The following NELFB variants were observed in gnomAD, a reference collection of about 807,000 sequenced individuals.
The protein encoded by NELFB is negative elongation factor complex member B.
A neutral mutation model predicts 60.2 loss-of-function variants in NELFB; 34 were observed. The ratio of observed to expected loss-of-function variants is 0.56; its 90% CI spans 0.43 to 0.75. The LOEUF is 0.75. Ranked by LOEUF, NELFB falls within the 30% of genes least tolerant of loss-of-function variation. NELFB has a pLI of 0.00. For missense variants in NELFB, 770 were observed against 831.6 expected (o/e 0.93, Z 0.91); for synonymous variants, 459 against 382.1 (o/e 1.20, Z -2.35).
intron 10 of NELFB, among the ~76,000 whole-genome samples, chr9:137,271,115 C>T (rs545732737): frequency 2.6e-5 from 4 of 152,356 alleles, no homozygotes; most frequent in Admixed American, 6.5e-5. Context: ...TTGGGTTCCC[C>T]GGAGTTGCAG....
Position 137,266,940 on chromosome 9 carries a change from G to GT in NELFB, c.1240-3dup. 6.2e-7 allele frequency: 1 copy of GT among 1,612,900 alleles called. No individual in the cohort carries two copies. Among genetic ancestry groups the GT allele is most frequent in the East Asian group, 2.2e-5 (1 of 44,882 alleles). ...CGCCCGCTCATGGCCTCCCCTCCTC[G>GT]TAGGAGGTAGAGCTCATCACCAGGT... is the stretch of plus-strand genomic sequence containing the variant. On this transcript the variant is annotated splice_region_variant and splice_polypyrimidine_tract_variant and intron_variant, in intron 8 of 12. Transcript: ENST00000343053.
Position 137,257,172 on chromosome 9 carries a change from C to T in NELFB, c.741+118C>T, listed in dbSNP as rs149573045. On this transcript the variant is annotated intron_variant, in intron 4 of 12. Transcript: ENST00000343053. ...TGTGAATGATCGGGTGGTTCTGCTT[C>T]TTGGCTGGGTGGTGGGGGAGGGCTG... is the stretch of plus-strand genomic sequence containing the variant. 787 of 872,518 alleles carry T rather than the reference C, an allele frequency of 9.0e-4. 16 individuals carry two copies. In the East Asian group the frequency reaches 0.02, roughly 22 times the overall value. 54.0% of individuals were successfully genotyped at this position (872,518 alleles called of 1,614,324 possible).
chr9:137,267,456 A>C, intron 10 of NELFB, 110 bp downstream of exon 10: 2 of 782,336 alleles, frequency 2.6e-6, no homozygotes, highest in Non-Finnish European at 4.0e-6. Flanking sequence ...TTGTCTCCCC[A>C]GCCCACCTCC....
rs776164150 is a variant in NELFB at position 137,255,908 on chromosome 9, CAG to C, written c.252_253del (p.Asn85TrpfsTer31). 3 of 1,613,794 alleles carry C rather than the reference CAG, an allele frequency of 1.9e-6. No individual in the cohort carries two copies. The highest frequency in any genetic ancestry group is 2.5e-6 in the Non-Finnish European group (3 of 1,179,860). ...TGAGGTTTCTCTTGGCTTCCTCAGA[CAG>C]AGAATGGTGTGCTGCTGCCATCTCT... On this transcript the variant is annotated frameshift_variant and splice_region_variant, in exon 2 of 13. Coordinates refer to ENST00000343053, the MANE Select transcript of NELFB (RefSeq NM_015456.5). LOFTEE classifies it high-confidence loss of function.
At position 137,272,817 on chromosome 9, in the gene NELFB, C is replaced by T. The variant is rs535606538; in HGVS notation, c.1776C>T (p.Leu592=). The change falls in exon 13 of 13, where the codon CTC becomes CTT. Residue 592 remains leucine (L), a synonymous_variant. Transcript: ENST00000343053. Reference sequence around the variant, plus strand: ...CAGTGAAGGAGCTTTACTCCCAGCTCGGCGAGAAGCTGGAACAGCTGGATC... The same window carrying T: ...CAGTGAAGGAGCTTTACTCCCAGCTTGGCGAGAAGCTGGAACAGCTGGATC... The T allele has an allele frequency of 1.7e-5, 26 of 1,549,914 alleles. 1 individual carries two copies. The highest frequency in any genetic ancestry group is 1.5e-4 in the East Asian group (6 of 40,906).
intron 10 of NELFB, among the ~76,000 whole-genome samples, chr9:137,271,184 G>A (rs1830579544): frequency 6.6e-6 from 1 of 152,278 alleles, no homozygotes; most frequent in East Asian, 1.9e-4. Context: ...GGGACTGTGT[G>A]CCTGCCACGT....
intron 6 of NELFB, 100 bp from the exon 7 acceptor site, chr9:137,265,777 G>A: frequency 1.3e-6 from 1 of 781,990 alleles, no homozygotes; most frequent in Non-Finnish European, 2.3e-6. Flanking sequence ...GGCACCCGCT[G>A]CCAGTCCTGA....
intron 1 of NELFB, 40 bp from the exon 2 acceptor site, chr9:137,255,867 C>A: frequency 1.9e-6 from 3 of 1,602,670 alleles, no homozygotes; most frequent in Non-Finnish European, 2.6e-6. Flanking sequence ...GGTGCCCGGG[C>A]GCACTGGGCT....
chr9:137,265,949 G>A lies in NELFB; in HGVS notation c.1113G>A (p.Gln371=). 6.2e-7 allele frequency: 1 copy of A among 1,613,026 alleles called. No homozygotes were observed. Among genetic ancestry groups the A allele is most frequent in the Non-Finnish European group, 8.5e-7 (1 of 1,179,894 alleles). Residue 371 remains glutamine (Q), a synonymous_variant, in exon 7 of 13, where the codon CAG becomes CAA. Coordinates refer to ENST00000343053, the MANE Select transcript of NELFB (RefSeq NM_015456.5). ...CACTGAGCACAGTCAGGCACCTGCA[G>A]GAGCTGGTCGGCCAGGAGACACTGC...
intron 10 of NELFB, among the ~76,000 whole-genome samples, chr9:137,267,743 C>T (rs947550420): frequency 7.2e-5 from 11 of 152,140 alleles, no homozygotes; most frequent in Non-Finnish European, 1.5e-4. Flanking sequence ...CCGCCCGCCT[C>T]GGCCTCCCAA....
At chr9:137,257,117 A>G (rs1837567029) in intron 4 of NELFB, 63 bp downstream of exon 4, 1 of 1,423,654 alleles carries the variant, frequency 7.0e-7, no homozygotes, top group Admixed American at 1.8e-5. Context: ...TAGCGCCTTC[A>G]GCTGCCTGGG....
intron 11 of NELFB, 49 bp from the exon 12 acceptor site, chr9:137,272,458 C>A (rs1402710877): frequency 1.9e-6 from 3 of 1,558,698 alleles, no homozygotes; most frequent in Non-Finnish European, 2.6e-6. Context: ...TGGGCCTGGG[C>A]AGACAGCAGG....
intron 10 of NELFB, among the ~76,000 whole-genome samples, chr9:137,271,149 G>C (rs1490298631): frequency 3.9e-5 from 6 of 152,268 alleles, no homozygotes; most frequent in African/African-American, 1.4e-4. Context: ...TGCCCAGTGG[G>C]GCCTTGCTGC....
rs1830513346 is a variant in NELFB at position 137,265,953 on chromosome 9, C to T, written c.1117C>T (p.Leu373=). 4 of 1,612,910 alleles carry T rather than the reference C, an allele frequency of 2.5e-6. No individual in the cohort carries two copies. Among genetic ancestry groups the T allele is most frequent in the Non-Finnish European group, 3.4e-6 (4 of 1,179,796 alleles). The change falls in exon 7 of 13, where the codon CTG becomes TTG. Residue 373 remains leucine, a synonymous_variant. Transcript: ENST00000343053. ...GAGCACAGTCAGGCACCTGCAGGAGCTGGTCGGCCAGGAGACACTGCCCAG... is the reference window on the plus strand; with the variant it reads ...GAGCACAGTCAGGCACCTGCAGGAGTTGGTCGGCCAGGAGACACTGCCCAG...
Position 137,265,031 on chromosome 9 carries a change from CTTTTT to C in NELFB, c.1040+693_1040+697del, listed in dbSNP as rs60479210. Among the ~76,000 whole-genome samples, 25 of 126,172 alleles carry C rather than the reference CTTTTT, an allele frequency of 2.0e-4. No homozygotes were observed. In the South Asian group the frequency reaches 3.4e-3, roughly 17 times the overall value. 82.8% of individuals were successfully genotyped at this position (126,172 alleles called of 152,430 possible). On this transcript the variant is annotated intron_variant, in intron 6 of 12. Coordinates refer to ENST00000343053, the MANE Select transcript of NELFB (RefSeq NM_015456.5). The stretch of plus-strand genomic sequence containing the variant: ...CCTGCCTTTGCCACTTTTTTTCTTC[CTTTTT>C]TTTTTTTTTTTTTTTTTTCTGAGAC...
At chr9:137,262,465 T>C (rs1411319553) in intron 4 of NELFB, among the ~76,000 whole-genome samples, 1 of 152,224 alleles carries the variant, frequency 6.6e-6, no homozygotes, top group Admixed American at 6.5e-5. Flanking sequence ...CCTCAGCTCC[T>C]ATCTCTGTAT....
chr9:137,256,992 A>G lies in NELFB; in HGVS notation c.679A>G (p.Thr227Ala), dbSNP rs1837563861. ...GGAGAAGGAGAGCGCTCTCTTCAGT[A>G]CAGAGCTCTCTGTCCTGCACAACTT... The change falls in exon 4 of 13, where the codon ACA (threonine) becomes GCA (alanine). Residue 227 changes from threonine to alanine, a missense_variant. Coordinates refer to ENST00000343053, the MANE Select transcript of NELFB (RefSeq NM_015456.5). 2 of 1,614,044 alleles carry G rather than the reference A, an allele frequency of 1.2e-6. No homozygotes were observed. The highest frequency in any genetic ancestry group is 8.5e-7 in the Non-Finnish European group (1 of 1,180,020).
Position 137,272,859 on chromosome 9 carries a change from G to A in NELFB, c.1818G>A (p.Pro606=), listed in dbSNP as rs937692807. The change falls in exon 13 of 13, where the codon CCG becomes CCA. Residue 606 remains proline (P), a synonymous_variant. Transcript: ENST00000343053. ...AGCTGGATCACCGGAAGCCCAGCCC[G>A]GCACAGGCTGCGGAGACGCCGGCCC... is the stretch of plus-strand genomic sequence containing the variant. The A allele has an allele frequency of 3.0e-5, 47 of 1,549,460 alleles. No homozygotes were observed. The highest frequency in any genetic ancestry group is 1.7e-4 in the Middle Eastern group (1 of 5,838).
chr9:137,272,392 G>A lies in NELFB; in HGVS notation c.1632-115G>A. 2.8e-6 allele frequency: 4 copies of A among 1,445,908 alleles called. No individual in the cohort carries two copies. In the East Asian group the frequency reaches 9.5e-5, roughly 34 times the overall value. 89.6% of individuals were successfully genotyped at this position (1,445,908 alleles called of 1,614,324 possible). ...GGGTGCCTGGGCACAGCTGGGGAGG[G>A]TCCCAAAGGCTGGCCATGTCCTGTC... On this transcript the variant is annotated intron_variant, in intron 11 of 12. Coordinates refer to ENST00000343053, the MANE Select transcript of NELFB (RefSeq NM_015456.5).
Sources: allele counts gnomAD v4.1 joint callset (sites outside exome capture counted in the v4.1 genomes callset), GRCh38; gene constraint gnomAD v4.1.1; transcripts MANE v1.5; gene names NCBI Gene and HGNC (gene_info 2026-07-23, HGNC 2026-07-21).